CEP19: variants seen among roughly 807,000 people sequenced by gnomAD.
The protein encoded by CEP19 is centrosomal protein 19.
In CEP19, 14 loss-of-function variants were observed where a neutral mutation model predicts 17.5. The ratio of observed to expected loss-of-function variants is 0.80; its 90% CI spans 0.53 to 1.25. The LOEUF (loss-of-function observed/expected upper bound fraction) is 1.25. Among genes scored for constraint, CEP19 ranks in the 50% most tolerant of loss-of-function variants. The probability of loss-of-function intolerance (pLI) is 0.00; values close to 1 mark genes in which losing one functional copy is unlikely to be tolerated. For synonymous variants in CEP19, 59 were observed against 65.5 expected, an observed-to-expected ratio of 0.90 and a Z score of 0.48; for missense variants, 193 against 192.0, an observed-to-expected ratio of 1.01 and a Z score of -0.03.
Position 196,707,770 on chromosome 3 carries a change from T to C in CEP19, c.273A>G (p.Glu91=). The C allele has an allele frequency of 6.2e-7, 1 of 1,614,192 alleles. No individual in the cohort carries two copies. The highest frequency in any genetic ancestry group is 2.2e-5 in the East Asian group (1 of 44,892). The change falls in exon 3 of 3, where the codon GAA becomes GAG. Residue 91 remains glutamate (E), a synonymous_variant. Transcript: ENST00000409690. The part of the protein sequence containing the change: ...LSGQSLAETM[E]QIQRETTIDP... ...CAATGGTTGTTTCCCGTTGAATTTG[T>C]TCCATTGTTTCTGCCAGACTCTGCC...
Position 196,711,984 on chromosome 3 carries a change from A to G in CEP19, c.-126T>C, listed in dbSNP as rs185935204. On this transcript the variant is annotated 5_prime_UTR_variant, in exon 1 of 3. Transcript: ENST00000409690. ...GCAGGCCAACGTCTAAACAACCAGG[A>G]GTGGGTTTTTCCACCCAACCGCAGT... 275 of 717,426 alleles carry G rather than the reference A, an allele frequency of 3.8e-4. 2 individuals carry two copies. In the Admixed American group the frequency reaches 5.4e-3, roughly 14 times the overall value. The allele number at this position is 717,426 out of a possible 1,614,324, so 44.4% of individuals were successfully genotyped here. A position where few individuals can be genotyped will look rare whatever the true frequency, so the allele number is the denominator to read the frequency against.
rs1711572956 is a variant in CEP19, at chr3:196,707,665, T to A, written c.378A>T (p.Lys126Asn). The change falls in exon 3 of 3, where the codon AAA (lysine) becomes AAT (asparagine). Residue 126 changes from lysine to asparagine, a missense_variant. Lys to Asn is a moderately conservative substitution (Grantham distance 94). Transcript: ENST00000409690. ...RKSIMDELFE[K>N]NQKKKDDPNF... is the part of the protein sequence containing the mutation. The stretch of plus-strand genomic sequence containing the variant: ...TTGGATCATCCTTCTTCTTCTGATT[T>A]TTCTCAAAAAGTTCATCCATGATGC... The A allele has an allele frequency of 6.2e-7, 1 of 1,614,114 alleles. No homozygotes were observed. Among genetic ancestry groups the A allele is most frequent in the African/African-American group, 1.3e-5 (1 of 75,026 alleles).
At position 196,706,458 on chromosome 3, in the gene CEP19, A is replaced by C. The variant is rs1711520594; in HGVS notation, c.*1093T>G. ...CCTAAACTGGCAGTGCCTATTGTTC[A>C]TTTATTATGGGTGGATTTCCCATTT... On this transcript the variant is annotated 3_prime_UTR_variant, in exon 3 of 3. Coordinates refer to ENST00000409690, the MANE Select transcript of CEP19 (RefSeq NM_032898.5). 1 of 152,152 alleles carries C rather than the reference A, an allele frequency of 6.6e-6. No individual in the cohort carries two copies. Among genetic ancestry groups the C allele is most frequent in the Admixed American group, 6.5e-5 (1 of 15,272 alleles). 9.4% of individuals were successfully genotyped at this position (152,152 alleles called of 1,614,324 possible).
At chr3:196,711,546 G>C (rs373676340) in intron 1 of CEP19, among the ~76,000 whole-genome samples, 1 of 152,216 alleles carries the variant, frequency 6.6e-6, no homozygotes, top group East Asian at 1.9e-4. Flanking sequence ...GGCTGGTCTC[G>C]AACTCCTGAC....
rs200221554 is a variant in CEP19, at chr3:196,711,956, T to G, written c.-98A>C. 56 of 717,350 alleles carry G rather than the reference T, an allele frequency of 7.8e-5. No homozygotes were observed. The highest frequency in any genetic ancestry group is 1.4e-4 in the Non-Finnish European group (54 of 385,074). The allele number at this position is 717,350 out of a possible 1,614,324, so 44.4% of individuals were successfully genotyped here. On this transcript the variant is annotated 5_prime_UTR_variant, in exon 1 of 3. Coordinates refer to ENST00000409690, the MANE Select transcript of CEP19 (RefSeq NM_032898.5). ...TTAGAGGAATACAGAAATGACATCG[T>G]CTGCAGGCCAACGTCTAAACAACCA... is the stretch of plus-strand genomic sequence containing the variant.
intron 1 of CEP19, 52 bp from the exon 2 acceptor site, chr3:196,708,779 C>A (rs772059028): frequency 4.9e-5 from 48 of 973,690 alleles, no homozygotes; most frequent in Non-Finnish European, 7.1e-5. Flanking sequence ...ATTCCCCTCG[C>A]CCCTTTGCCC....
In CEP19 at chr3:196,712,109, T is replaced by G; in HGVS notation, c.-251A>C. On this transcript the variant is annotated 5_prime_UTR_variant, in exon 1 of 3. Coordinates refer to ENST00000409690, the MANE Select transcript of CEP19 (RefSeq NM_032898.5). ...CTACTGACGAGCCCGAGGGGTGAAC[T>G]CCCCGGCGGGAGGCCCGAACCCTCA... 4.8e-6 allele frequency: 3 copies of G among 624,722 alleles called. No homozygotes were observed. In the South Asian group the frequency reaches 5.4e-5, roughly 11 times the overall value. 38.7% of individuals were successfully genotyped at this position (624,722 alleles called of 1,614,324 possible). A position where few individuals can be genotyped will look rare whatever the true frequency, so the allele number is the denominator to read the frequency against.
Position 196,706,587 on chromosome 3 carries a change from A to G in CEP19, c.*964T>C, listed in dbSNP as rs1020135568. ...GGCAGAATTCCCCCTCTGTCCATCA[A>G]GTGACATCTGCTTGCAGCTGTAGGG... On this transcript the variant is annotated 3_prime_UTR_variant, in exon 3 of 3. Transcript: ENST00000409690. 1 of 152,192 alleles carries G rather than the reference A, an allele frequency of 6.6e-6. No individual in the cohort carries two copies. Among genetic ancestry groups the G allele is most frequent in the African/African-American group, 2.4e-5 (1 of 41,458 alleles). The allele number at this position is 152,192 out of a possible 1,614,324, so 9.4% of individuals were successfully genotyped here.
At chr3:196,710,773 T>G (rs551016025) in intron 1 of CEP19, among the ~76,000 whole-genome samples, 1 of 148,332 alleles carries the variant, frequency 6.7e-6, no homozygotes, top group African/African-American at 2.5e-5. Flanking sequence ...ACCCAGGAGT[T>G]TGGGGCTGCA....
intron 1 of CEP19, among the ~76,000 whole-genome samples, chr3:196,710,842 T>TAA (rs71161953): frequency 0.098 from 9,649 of 97,968 alleles, 679 homozygotes; most frequent in Admixed American, 0.13. Flanking sequence ...CGCCTATTCT[T>TAA]AAAAAAAAAA....
chr3:196,711,954 C>T lies in CEP19; in HGVS notation c.-96G>A, dbSNP rs1180298311. The stretch of plus-strand genomic sequence containing the variant: ...CCTTAGAGGAATACAGAAATGACAT[C>T]GTCTGCAGGCCAACGTCTAAACAAC... On this transcript the variant is annotated 5_prime_UTR_variant, in exon 1 of 3. Coordinates refer to ENST00000409690, the MANE Select transcript of CEP19 (RefSeq NM_032898.5). 4.2e-6 allele frequency: 3 copies of T among 717,480 alleles called. No homozygotes were observed. The South Asian group carries it at 4.4e-5, about 11-fold the overall frequency. The allele number at this position is 717,480 out of a possible 1,614,324, so 44.4% of individuals were successfully genotyped here. A position where few individuals can be genotyped will look rare whatever the true frequency, so the allele number is the denominator to read the frequency against.
rs1466635920 is a variant in CEP19 at position 196,712,013 on chromosome 3, C to T, written c.-155G>A. 5 of 717,056 alleles carry T rather than the reference C, an allele frequency of 7.0e-6. No homozygotes were observed. In the East Asian group the frequency reaches 1.3e-4, roughly 19 times the overall value. 44.4% of individuals were successfully genotyped at this position (717,056 alleles called of 1,614,324 possible). On this transcript the variant is annotated 5_prime_UTR_variant, in exon 1 of 3. It adds an upstream start codon to the 5' untranslated region. Coordinates refer to ENST00000409690, the MANE Select transcript of CEP19 (RefSeq NM_032898.5). ...GGTTTTTCCACCCAACCGCAGTGCA[C>T]GCAAAGCCCCTAAGCCGACTGTGAG...
intron 1 of CEP19, among the ~76,000 whole-genome samples, chr3:196,709,958 G>A (rs909413447): frequency 2.0e-5 from 3 of 152,114 alleles, no homozygotes. Flanking sequence ...GATTATACAC[G>A]TCATTGTAGA....
At position 196,707,453 on chromosome 3, in the gene CEP19, C is replaced by T. The variant is rs548472759; in HGVS notation, c.*98G>A. On this transcript the variant is annotated 3_prime_UTR_variant, in exon 3 of 3. Coordinates refer to ENST00000409690, the MANE Select transcript of CEP19 (RefSeq NM_032898.5). ...AAGTAACATGGTCAATCCCCTATAA[C>T]CCAACATATTTAGTATTCTTTACAG... 8 of 1,336,210 alleles carry T rather than the reference C, an allele frequency of 6.0e-6. No homozygotes were observed. The East Asian group carries it at 6.9e-5, about 12-fold the overall frequency. 82.8% of individuals were successfully genotyped at this position (1,336,210 alleles called of 1,614,324 possible).
intron 1 of CEP19, among the ~76,000 whole-genome samples, chr3:196,711,709 C>A (rs1273825655): frequency 6.6e-6 from 1 of 152,198 alleles, no homozygotes; most frequent in East Asian, 1.9e-4. Flanking sequence ...CGCCTGGATG[C>A]TCTCTTGGCC....
chr3:196,710,758 C>G (rs1230215573), intron 1 of CEP19, among the ~76,000 whole-genome samples: 1 of 149,876 alleles, frequency 6.7e-6, no homozygotes, highest in Non-Finnish European at 1.5e-5. Flanking sequence ...GGGAGAATCG[C>G]CTGAACCCAG....
rs1189113416 is a variant in CEP19 at position 196,707,854 on chromosome 3, T to G, written c.189A>C (p.Glu63Asp). 2 of 1,613,996 alleles carry G rather than the reference T, an allele frequency of 1.2e-6. No homozygotes were observed. Among genetic ancestry groups the G allele is most frequent in the South Asian group, 2.2e-5 (2 of 91,074 alleles). ...KNNPRHKSYLEQVSLRQLEKL... is the reference protein window; with the variant it reads ...KNNPRHKSYLDQVSLRQLEKL... ...TCTCTAGCTGCCTCAGGGATACTTGTTCTAGGTAACTCTTGTGTCGCGGAT... is the reference window on the plus strand; with the variant it reads ...TCTCTAGCTGCCTCAGGGATACTTGGTCTAGGTAACTCTTGTGTCGCGGAT... Residue 63 changes from glutamate to aspartate, a missense_variant, in exon 3 of 3, where the codon GAA becomes GAC. Physicochemically the swap from Glu to Asp is conservative, Grantham distance 45 (BLOSUM62 2). Transcript: ENST00000409690.
rs1283973969 is a variant in CEP19, at chr3:196,707,812, T to TA, written c.230dup (p.Leu77PhefsTer24). 3 of 1,614,074 alleles carry TA rather than the reference T, an allele frequency of 1.9e-6. No individual in the cohort carries two copies. Among genetic ancestry groups the TA allele is most frequent in the African/African-American group, 1.3e-5 (1 of 74,930 alleles). On this transcript the variant is annotated frameshift_variant, in exon 3 of 3. Transcript: ENST00000409690. LOFTEE classifies it high-confidence loss of function. ...GACTCTGCCCCGACAAGTAACCTCG[T>TA]AAAAAACTGAATAGCTTCTCTAGCT...
At position 196,712,244 on chromosome 3, in the gene CEP19, G is replaced by C. The variant is rs1394655114; in HGVS notation, c.-386C>G. ...GAGCGCTGGCCTAGCGGTTTCCACA[G>C]CGACAGGCCGGGCGCGCGTCCCCGC... On this transcript the variant is annotated 5_prime_UTR_variant, in exon 1 of 3. Transcript: ENST00000409690. 4.2e-6 allele frequency: 2 copies of C among 471,434 alleles called. No individual in the cohort carries two copies. Among genetic ancestry groups the C allele is most frequent in the African/African-American group, 4.0e-5 (2 of 49,724 alleles). The allele number at this position is 471,434 out of a possible 1,614,324, so 29.2% of individuals were successfully genotyped here.
Sources: gnomAD v4.1 joint callset for allele counts (sites outside exome capture counted in the v4.1 genomes callset) on GRCh38, gnomAD v4.1.1 for gene constraint, MANE v1.5 for transcripts, NCBI Gene and HGNC (gene_info 2026-07-23, HGNC 2026-07-21) for gene names.